Variants in MYT1L observed in about 807,000 individuals in gnomAD.
The protein encoded by MYT1L is myelin transcription factor 1 like, also known as myelin transcription factor 1-like protein.
In MYT1L, 12 loss-of-function variants were observed where a neutral mutation model predicts 126.7. The observed-to-expected ratio is 0.09, with a 90% confidence interval of 0.06 to 0.15. MYT1L has a LOEUF of 0.15. MYT1L is among the 10% of genes least tolerant of loss of function. The pLI is 1.00. For synonymous variants in MYT1L, 541 were observed against 604.2 expected (o/e 0.90, Z 1.53); for missense variants, 979 against 1,585.2 (o/e 0.62, Z 6.49).
At chr2:1,904,012 C>T (rs911539878) in intron 13 of MYT1L, among the ~76,000 whole-genome samples, 2 of 152,140 alleles carry the variant, frequency 1.3e-5, no homozygotes, top group African/African-American at 4.8e-5. Context: ...AGTTTTTAGA[C>T]TTTATACTTG....
intron 4 of MYT1L, among the ~76,000 whole-genome samples, chr2:2,046,190 C>T (rs980662683): frequency 2.0e-5 from 3 of 152,184 alleles, no homozygotes; most frequent in Non-Finnish European, 4.4e-5. Context: ...GACAACCTGT[C>T]CTGTGGTCTT....
In MYT1L at chr2:2,295,537, T is replaced by TAG. The variant is rs1168226393; in HGVS notation, c.-520-11036_-520-11035dup. Among the ~76,000 whole-genome samples, 3 of 32,528 alleles carry TAG rather than the reference T, an allele frequency of 9.2e-5. 1 individual carries two copies. The highest frequency in any genetic ancestry group is 3.0e-4 in the African/African-American group (3 of 9,864). The allele number at this position is 32,528 out of a possible 152,430, so 21.3% of individuals were successfully genotyped here. A position where few individuals can be genotyped will look rare whatever the true frequency, so the allele number is the denominator to read the frequency against. On this transcript the variant is annotated intron_variant, in intron 1 of 24. Coordinates refer to ENST00000647738, the MANE Select transcript of MYT1L (RefSeq NM_001303052.2). ...GGGGCAGAGGAGGTGCAGAGAAAGA[T>TAG]AGAGAGAGAGAGAGAGAGACAGACA...
At chr2:2,123,820 G>A (rs1303140495) in intron 3 of MYT1L, among the ~76,000 whole-genome samples, 1 of 152,228 alleles carries the variant, frequency 6.6e-6, no homozygotes, top group Non-Finnish European at 1.5e-5. Context: ...AAGGGTCTCT[G>A]TAAGGGAAAG....
chr2:1,919,927 C>T (rs1485375024), intron 10 of MYT1L, among the ~76,000 whole-genome samples: 1 of 151,942 alleles, frequency 6.6e-6, no homozygotes, highest in South Asian at 2.1e-4. Flanking sequence ...ACAGTGTTAG[C>T]CAGGATGGTC....
intron 13 of MYT1L, among the ~76,000 whole-genome samples, chr2:1,907,913 C>T (rs955053488): frequency 6.6e-6 from 1 of 152,244 alleles, no homozygotes; most frequent in African/African-American, 2.4e-5. Flanking sequence ...AGGAGTCTCA[C>T]GCAGGGCCAG....
chr2:1,880,806 T>C (rs1350556118), intron 18 of MYT1L, among the ~76,000 whole-genome samples: 1 of 152,242 alleles, frequency 6.6e-6, no homozygotes, highest in Non-Finnish European at 1.5e-5. Flanking sequence ...CAGAGCATCT[T>C]GGCCACTGGC....
chr2:2,295,779 TAGAG>T (rs2095681861), intron 1 of MYT1L, among the ~76,000 whole-genome samples: 4 of 36,476 alleles, frequency 1.1e-4, no homozygotes, highest in Non-Finnish European at 1.7e-4. Flanking sequence ...GAGAGAGAGA[TAGAG>T]AGACAGACAG....
chr2:1,942,552 A>G (rs1473168023), intron 9 of MYT1L, among the ~76,000 whole-genome samples: 2 of 152,216 alleles, frequency 1.3e-5, no homozygotes, highest in Admixed American at 1.3e-4. Context: ...ATTAGGCAGG[A>G]CTTCCAACTC....
At chr2:2,078,025 G>A (rs1179858064) in intron 3 of MYT1L, among the ~76,000 whole-genome samples, 1 of 152,148 alleles carries the variant, frequency 6.6e-6, no homozygotes, top group Non-Finnish European at 1.5e-5. Flanking sequence ...GAAGTAATTT[G>A]TATAGCAATA....
chr2:1,925,276 A>C (rs1450154448), intron 9 of MYT1L, among the ~76,000 whole-genome samples: 1 of 152,222 alleles, frequency 6.6e-6, no homozygotes, highest in Admixed American at 6.5e-5. Flanking sequence ...AAAGTGGTGA[A>C]CAAGGAAAGA....
rs1212101039 is a variant in MYT1L, at chr2:2,295,549, G to GAT, written c.-520-11047_-520-11046insAT. Among the ~76,000 whole-genome samples the GAT allele has an allele frequency of 4.4e-5, 2 of 45,366 alleles. 1 individual carries two copies. Among genetic ancestry groups the GAT allele is most frequent in the African/African-American group, 1.4e-4 (2 of 13,944 alleles). The allele number at this position is 45,366 out of a possible 152,430, so 29.8% of individuals were successfully genotyped here. A position where few individuals can be genotyped will look rare whatever the true frequency, so the allele number is the denominator to read the frequency against. Reference sequence around the variant, plus strand: ...GTGCAGAGAAAGATAGAGAGAGAGAGAGAGAGACAGACAGACAGAGAGAGA... The same window carrying GAT: ...GTGCAGAGAAAGATAGAGAGAGAGAGATAGAGAGACAGACAGACAGAGAGAGA... On this transcript the variant is annotated intron_variant, in intron 1 of 24. Coordinates refer to ENST00000647738, the MANE Select transcript of MYT1L (RefSeq NM_001303052.2).
chr2:1,945,557 T>C (rs1395032190), intron 8 of MYT1L, among the ~76,000 whole-genome samples: 2 of 152,146 alleles, frequency 1.3e-5, no homozygotes, highest in African/African-American at 4.8e-5. Flanking sequence ...GCAGGTCTTG[T>C]TGGTCAACTG....
chr2:1,928,166 T>C (rs1483209318), intron 9 of MYT1L, among the ~76,000 whole-genome samples: 1 of 152,214 alleles, frequency 6.6e-6, no homozygotes, highest in Non-Finnish European at 1.5e-5. Context: ...TTGCCCAGGC[T>C]CGTCTCAAAG....
rs189046301 is a variant in MYT1L at position 1,867,525 on chromosome 2, G to C, written c.2712-15822C>G. Among the ~76,000 whole-genome samples the C allele has an allele frequency of 1.3e-3, 198 of 152,254 alleles. 2 individuals are homozygous for C. Among genetic ancestry groups the C allele is most frequent in the African/African-American group, 4.6e-3 (191 of 41,548 alleles). ...CAAGGGTGTTCCTTGCCTCTGGCTG[G>C]GGAGAGGAAGCTCATCTGTCAGAGG... On this transcript the variant is annotated intron_variant, in intron 18 of 24. Transcript: ENST00000647738.
chr2:1,894,531 G>C (rs2049329473), intron 14 of MYT1L, among the ~76,000 whole-genome samples: 3 of 151,876 alleles, frequency 2.0e-5, no homozygotes, highest in Non-Finnish European at 4.4e-5. Context: ...AATTGTAGGA[G>C]AAATGAAATA....
At chr2:1,831,913 T>C (rs4073562) in intron 21 of MYT1L, among the ~76,000 whole-genome samples, 72,610 of 151,900 alleles carry the variant, frequency 0.48, 18,758 homozygotes, top group African/African-American at 0.68. Flanking sequence ...GCTGCTGATT[T>C]CCGATTCCTA....
intron 10 of MYT1L, among the ~76,000 whole-genome samples, chr2:1,921,305 T>C (rs1428834933): frequency 6.6e-6 from 1 of 152,212 alleles, no homozygotes; most frequent in Non-Finnish European, 1.5e-5. Flanking sequence ...GTGATGGAGA[T>C]ATCCACAAAG....
At chr2:2,138,787 A>T (rs1191415994) in intron 3 of MYT1L, among the ~76,000 whole-genome samples, 1 of 149,778 alleles carries the variant, frequency 6.7e-6, no homozygotes, top group African/African-American at 2.5e-5. Flanking sequence ...TGGCACATGT[A>T]TACATATGTA....
At chr2:2,287,131 C>T (rs970783002) in intron 1 of MYT1L, among the ~76,000 whole-genome samples, 2 of 152,110 alleles carry the variant, frequency 1.3e-5, no homozygotes, top group Non-Finnish European at 2.9e-5. Context: ...TGGTGCATGC[C>T]TGTAATACCA....
Sources: gnomAD v4.1 joint callset for allele counts (sites outside exome capture counted in the v4.1 genomes callset) on GRCh38, gnomAD v4.1.1 for gene constraint, MANE v1.5 for transcripts, NCBI Gene and HGNC (gene_info 2026-07-23, HGNC 2026-07-21) for gene names.